The following ITGA9 variants were observed in gnomAD, a reference collection of about 807,000 sequenced individuals.
ITGA9 encodes the protein integrin subunit alpha 9.
In ITGA9, 56 loss-of-function variants were observed where a neutral mutation model predicts 127.8. That is an observed-to-expected ratio of 0.44 (90% CI 0.35 to 0.55). ITGA9 has a LOEUF of 0.55. ITGA9 is among the 20% of genes least tolerant of loss of function. ITGA9 has a pLI of 0.00. For missense variants in ITGA9, 1,196 were observed against 1,347.1 expected (o/e 0.89, Z 1.76); for synonymous variants, 508 against 514.5 (o/e 0.99, Z 0.17).
chr3:37,524,677 C>A (rs1699075821), intron 12 of ITGA9, among the ~76,000 whole-genome samples: 2 of 152,156 alleles, frequency 1.3e-5, no homozygotes, highest in Non-Finnish European at 2.9e-5. Flanking sequence ...GTGACCCCAG[C>A]AGGTAAGTAG....
In ITGA9 at chr3:37,615,984, G is replaced by T. The variant is rs1204284425; in HGVS notation, c.1690-13203G>T. 8.0e-5 allele frequency among the ~76,000 whole-genome samples: 12 copies of T among 149,470 alleles called. No individual in the cohort carries two copies. The South Asian group carries it at 2.5e-3, about 32-fold the overall frequency. ...TTTCCTTCAGTTCTGCTCTGATCTT[G>T]GTTATTTCTTGCCTTCTGCTAGCTT... is the stretch of plus-strand genomic sequence containing the variant. On this transcript the variant is annotated intron_variant, in intron 15 of 27. Transcript: ENST00000264741.
chr3:37,462,150 C>G (rs1346715694), intron 1 of ITGA9, among the ~76,000 whole-genome samples: 2 of 152,216 alleles, frequency 1.3e-5, no homozygotes, highest in African/African-American at 4.8e-5. Context: ...TGCCTTGCCT[C>G]CTTCTCCAGT....
At chr3:37,505,945 T>G in intron 6 of ITGA9, 55 bp from the exon 7 acceptor site, 1 of 1,275,894 alleles carries the variant, frequency 7.8e-7, no homozygotes, top group Non-Finnish European at 1.1e-6. Context: ...GGATGTTTTT[T>G]TTTCCCTTCC....
Position 37,629,408 on chromosome 3 carries a change from T to G in ITGA9, c.1839+72T>G. Reference sequence around the variant, plus strand: ...CAGAGCAGAAATAATGGCCCAAAAGTTGAGAGAGCCGTGGGCCTGGCTGCT... The same window carrying G: ...CAGAGCAGAAATAATGGCCCAAAAGGTGAGAGAGCCGTGGGCCTGGCTGCT... On this transcript the variant is annotated intron_variant, in intron 16 of 27. Transcript: ENST00000264741. This position sits in a 1 kb window ranked among gnomAD's most constrained non-coding sequence, Gnocchi z 4.5. 1.9e-6 allele frequency: 3 copies of G among 1,565,838 alleles called. No individual in the cohort carries two copies. Among genetic ancestry groups the G allele is most frequent in the African/African-American group, 1.3e-5 (1 of 74,122 alleles).
chr3:37,486,200 G>C (rs1698609086), intron 4 of ITGA9, among the ~76,000 whole-genome samples: 1 of 152,208 alleles, frequency 6.6e-6, no homozygotes, highest in Non-Finnish European at 1.5e-5. Context: ...AAAACCTGAT[G>C]AGTGTGGAAT....
intron 18 of ITGA9, among the ~76,000 whole-genome samples, chr3:37,725,784 G>A (rs1472503772): frequency 6.6e-6 from 1 of 152,186 alleles, no homozygotes; most frequent in Non-Finnish European, 1.5e-5. Context: ...ACTCCTATAA[G>A]GCACATGTTA....
At chr3:37,709,315 C>A (rs1157250161) in intron 18 of ITGA9, among the ~76,000 whole-genome samples, 1 of 152,152 alleles carries the variant, frequency 6.6e-6, no homozygotes, top group African/African-American at 2.4e-5. Flanking sequence ...AGAGATTTTT[C>A]TCTCCCAGCA....
At chr3:37,482,174 C>A (rs923800466) in intron 4 of ITGA9, among the ~76,000 whole-genome samples, 4 of 152,220 alleles carry the variant, frequency 2.6e-5, no homozygotes, top group African/African-American at 7.2e-5. Flanking sequence ...ACACTCTGAA[C>A]TTTCAGCATT....
chr3:37,495,820 C>T (rs1698722232), intron 5 of ITGA9, among the ~76,000 whole-genome samples: 1 of 152,246 alleles, frequency 6.6e-6, no homozygotes, highest in African/African-American at 2.4e-5. Flanking sequence ...ATCACCCAGC[C>T]TGCATCCATT....
intron 5 of ITGA9, among the ~76,000 whole-genome samples, chr3:37,499,657 G>T (rs1250560106): frequency 1.3e-5 from 2 of 152,148 alleles, no homozygotes; most frequent in Non-Finnish European, 2.9e-5. Context: ...GGATTTCCAG[G>T]AAGGCACTGT....
chr3:37,708,653 A>G, intron 18 of ITGA9, among the ~76,000 whole-genome samples: 1 of 152,408 alleles, frequency 6.6e-6, no homozygotes, highest in Non-Finnish European at 1.5e-5. Context: ...TAAATACCCC[A>G]CAATGCACAG....
intron 15 of ITGA9, among the ~76,000 whole-genome samples, chr3:37,544,368 TC>T (rs1699305656): frequency 1.3e-5 from 2 of 152,162 alleles, no homozygotes; most frequent in African/African-American, 4.8e-5. Context: ...ACTATAGAAC[TC>T]CTAATTAAAT....
At chr3:37,804,753 G>C (rs925065578) in intron 27 of ITGA9, among the ~76,000 whole-genome samples, 3 of 152,154 alleles carry the variant, frequency 2.0e-5, no homozygotes, top group Non-Finnish European at 4.4e-5. Flanking sequence ...CAGCCTCTTA[G>C]AGTATTATAG....
At chr3:37,628,355 CCA>C (rs1559553194) in intron 15 of ITGA9, among the ~76,000 whole-genome samples, 1 of 152,174 alleles carries the variant, frequency 6.6e-6, no homozygotes. Context: ...ATTGTGGGGG[CCA>C]GAGTCCCCAG....
chr3:37,735,588 C>T (rs187212199), intron 19 of ITGA9, among the ~76,000 whole-genome samples: 1 of 152,154 alleles, frequency 6.6e-6, no homozygotes, highest in East Asian at 1.9e-4. Context: ...TTTGTCCAAC[C>T]TCCTTTTTTT....
chr3:37,463,163 G>C (rs554742448), intron 1 of ITGA9, among the ~76,000 whole-genome samples: 4 of 152,190 alleles, frequency 2.6e-5, no homozygotes, highest in African/African-American at 9.7e-5. Context: ...GACTTAGCGG[G>C]AATTAGTGGG....
chr3:37,822,713 T>C lies in ITGA9; in HGVS notation c.*3724T>C, dbSNP rs2125572033. 6.6e-6 allele frequency: 1 copy of C among 152,324 alleles called. No homozygotes were observed. Among genetic ancestry groups the C allele is most frequent in the East Asian group, 1.9e-4 (1 of 5,180 alleles). The allele number at this position is 152,324 out of a possible 1,614,324, so 9.4% of individuals were successfully genotyped here. ...GTTTTCCATGCGGAAGCATAGCAGA[T>C]CCCCAGACGATCCGTGTGCTGTATG... is the stretch of plus-strand genomic sequence containing the variant. On this transcript the variant is annotated 3_prime_UTR_variant, in exon 28 of 28. Transcript: ENST00000264741.
chr3:37,634,823 A>G (rs1700262754), intron 16 of ITGA9, among the ~76,000 whole-genome samples: 3 of 152,204 alleles, frequency 2.0e-5, no homozygotes, highest in African/African-American at 4.8e-5. Flanking sequence ...CACATGGAAC[A>G]CTCTCCAGGA....
chr3:37,598,453 C>T (rs1401189840), intron 15 of ITGA9, among the ~76,000 whole-genome samples: 1 of 152,082 alleles, frequency 6.6e-6, no homozygotes, highest in Non-Finnish European at 1.5e-5. Context: ...TATTTTATTC[C>T]ACAAACATTT....
Sources: gnomAD v4.1 joint callset for allele counts (sites outside exome capture counted in the v4.1 genomes callset) on GRCh38, gnomAD v4.1.1 for gene constraint, Gnocchi (gnomAD v3.1) non-coding constraint, MANE v1.5 for transcripts, NCBI Gene and HGNC (gene_info 2026-07-23, HGNC 2026-07-21) for gene names.